ZNF525: variants seen among roughly 807,000 people sequenced by gnomAD.
The protein encoded by ZNF525 is zinc finger protein 525.
Under a neutral mutation model 37.6 loss-of-function variants are expected in ZNF525, and 33 were observed. The ratio of observed to expected loss-of-function variants is 0.88; its 90% CI spans 0.67 to 1.17. The LOEUF (loss-of-function observed/expected upper bound fraction) is 1.17, where lower values mean the gene tolerates loss of function less well. Ranked by LOEUF, ZNF525 falls within the 50% of genes most tolerant of loss-of-function variation. The probability of loss-of-function intolerance (pLI) is 0.00; values close to 1 mark genes in which losing one functional copy is unlikely to be tolerated. For missense variants in ZNF525, 449 were observed against 543.1 expected (o/e 0.83, Z 1.72); for synonymous variants, 170 against 182.3 (o/e 0.93, Z 0.54).
chr19:53,366,938 G>A (rs552343828), intron 1 of ZNF525, among the ~76,000 whole-genome samples: 2 of 143,610 alleles, frequency 1.4e-5, no homozygotes, highest in Admixed American at 1.4e-4. Context: ...CGGCTCAGCA[G>A]ATTTACATCT....
intron 3 of ZNF525, among the ~76,000 whole-genome samples, chr19:53,377,581 G>C (rs148561988): frequency 0.011 from 1,527 of 143,034 alleles, 35 homozygotes; most frequent in African/African-American, 0.037. Context: ...TTGAGATGGA[G>C]TCTCGGTCTG....
chr19:53,379,149 C>T lies in ZNF525; in HGVS notation c.143-1573C>T, dbSNP rs888202466. ...TTTTTTCTTAGAGACGAAGTCTCAC[C>T]CTGTCACTCAAGCTGGAGTGCAGTG... On this transcript the variant is annotated intron_variant, in intron 3 of 3. Transcript: ENST00000474037. 3.9e-5 allele frequency among the ~76,000 whole-genome samples: 6 copies of T among 152,036 alleles called. No homozygotes were observed. In the South Asian group the frequency reaches 6.2e-4, roughly 16 times the overall value.
intron 1 of ZNF525, among the ~76,000 whole-genome samples, chr19:53,369,417 G>A (rs12976660): frequency 0.13 from 18,987 of 148,262 alleles, 1,783 homozygotes; most frequent in Non-Finnish European, 0.18. Flanking sequence ...TAGTAGAGAC[G>A]GGTTTCACCA....
chr19:53,376,661 G>A (rs550964508), intron 3 of ZNF525, among the ~76,000 whole-genome samples: 2 of 152,098 alleles, frequency 1.3e-5, no homozygotes, highest in African/African-American at 2.4e-5. Flanking sequence ...CACCGCAGCC[G>A]GCTCCACATC....
chr19:53,382,568 T>C lies in ZNF525; in HGVS notation c.*549T>C, dbSNP rs142235276. The C allele has an allele frequency of 2.1e-4, 143 of 666,382 alleles. No homozygotes were observed. In the East Asian group the frequency reaches 4.4e-3, roughly 21 times the overall value. The allele number at this position is 666,382 out of a possible 1,614,324, so 41.3% of individuals were successfully genotyped here. On this transcript the variant is annotated 3_prime_UTR_variant, in exon 4 of 4. Coordinates refer to ENST00000474037, the MANE Select transcript of ZNF525 (RefSeq NM_001348156.2). Reference sequence around the variant, plus strand: ...TCATACTGGAGAGAAACCTTAGAAGTGCAATGAGTGTGGCAAAACCTTTCA... The same window carrying C: ...TCATACTGGAGAGAAACCTTAGAAGCGCAATGAGTGTGGCAAAACCTTTCA...
At position 53,370,428 on chromosome 19, in the gene ZNF525, A is replaced by G. The variant is rs1203241901; in HGVS notation, c.-67-1787A>G. ...GACTCCATGTCAAAAAAAAAAAAAA[A>G]AAAGAACAGGCACACCTTCTCACTC... On this transcript the variant is annotated intron_variant, in intron 1 of 3. Coordinates refer to ENST00000474037, the MANE Select transcript of ZNF525 (RefSeq NM_001348156.2). Among the ~76,000 whole-genome samples, 3 of 151,152 alleles carry G rather than the reference A, an allele frequency of 2.0e-5. No homozygotes were observed. The East Asian group carries it at 5.9e-4, about 30-fold the overall frequency.
intron 3 of ZNF525, among the ~76,000 whole-genome samples, chr19:53,378,371 C>G (rs1028371509): frequency 6.6e-6 from 1 of 152,064 alleles, no homozygotes; most frequent in African/African-American, 2.4e-5. Flanking sequence ...GAAGGAGAAT[C>G]TTGAACCCGG....
rs375617606 is a variant in ZNF525, at chr19:53,379,100, C to T, written c.143-1622C>T. Among the ~76,000 whole-genome samples the T allele has an allele frequency of 1.2e-3, 184 of 151,474 alleles. 1 individual carries two copies. The highest frequency in any genetic ancestry group is 0.01 in the Middle Eastern group (3 of 294). On this transcript the variant is annotated intron_variant, in intron 3 of 3. Transcript: ENST00000474037. The stretch of plus-strand genomic sequence containing the variant: ...GTTGTGACATCATAATTGCACCCTC[C>T]GGCACTATTAGTCAATTCTTTTTTT...
Position 53,386,359 on chromosome 19 carries a change from C to G in ZNF525, c.*4340C>G. 2.4e-6 allele frequency: 2 copies of G among 849,698 alleles called. No individual in the cohort carries two copies. Among genetic ancestry groups the G allele is most frequent in the South Asian group, 1.3e-5 (1 of 76,492 alleles). 52.6% of individuals were successfully genotyped at this position (849,698 alleles called of 1,614,324 possible). On this transcript the variant is annotated 3_prime_UTR_variant, in exon 4 of 4. Transcript: ENST00000474037. ...AATCAGGTACGACTCCAAAAGGAGACATTGGAGAAGAACCAAGCTGGGTCT... is the reference window on the plus strand; with the variant it reads ...AATCAGGTACGACTCCAAAAGGAGAGATTGGAGAAGAACCAAGCTGGGTCT...
At chr19:53,372,496 T>C in intron 2 of ZNF525, 200 bp downstream of exon 2, 1 of 784,290 alleles carries the variant, frequency 1.3e-6, no homozygotes, top group Non-Finnish European at 2.2e-6. Flanking sequence ...GAGGCTGCAC[T>C]GGGCATGGTC....
chr19:53,381,793 A>G lies in ZNF525; in HGVS notation c.1214A>G (p.His405Arg), dbSNP rs747610447. The G allele has an allele frequency of 9.4e-7, 1 of 1,066,672 alleles. No homozygotes were observed. Among genetic ancestry groups the G allele is most frequent in the African/African-American group, 1.5e-5 (1 of 64,948 alleles). 66.1% of individuals were successfully genotyped at this position (1,066,672 alleles called of 1,614,324 possible). A position where few individuals can be genotyped will look rare whatever the true frequency, so the allele number is the denominator to read the frequency against. Residue 405 changes from histidine to arginine, a missense_variant, in exon 4 of 4, where the codon CAT becomes CGT. By Grantham distance (29) the His-to-Arg change is conservative. Around this residue, in one of 2 missense-constraint regions of ZNF525, gnomAD observed 178 missense variants for 161.5 expected, o/e 1.10. Transcript: ENST00000474037. ...ACCCTTACATGCCATCGTAGACTTC[A>G]TACTGGAGAGAAACCTTACAAGTGT... ...MSTLTCHRRL[H>R]TGEKPYKCEE...
At chr19:53,372,866 A>G (rs1471985472) in intron 2 of ZNF525, among the ~76,000 whole-genome samples, 2 of 152,214 alleles carry the variant, frequency 1.3e-5, no homozygotes, top group African/African-American at 4.8e-5. Context: ...TTTTAAGAAT[A>G]TGAAATCAAC....
chr19:53,374,353 G>A (rs2085507467), intron 2 of ZNF525, among the ~76,000 whole-genome samples: 1 of 152,212 alleles, frequency 6.6e-6, no homozygotes, highest in South Asian at 2.1e-4. Flanking sequence ...TGGCTAGCTT[G>A]CTCTTTGACA....
At chr19:53,369,975 C>T (rs1342127347) in intron 1 of ZNF525, among the ~76,000 whole-genome samples, 73 of 149,584 alleles carry the variant, frequency 4.9e-4, no homozygotes, top group South Asian at 1.1e-3. Context: ...CCGCCCGCCT[C>T]GGCCTCCCAA....
At position 53,381,115 on chromosome 19, in the gene ZNF525, G is replaced by T. The variant is rs758915553; in HGVS notation, c.536G>T (p.Arg179Ile). The T allele has an allele frequency of 4.9e-5, 70 of 1,437,030 alleles. No individual in the cohort carries two copies. The highest frequency in any genetic ancestry group is 6.5e-5 in the Non-Finnish European group (66 of 1,019,104). 89.0% of individuals were successfully genotyped at this position (1,437,030 alleles called of 1,614,324 possible). The change falls in exon 4 of 4, where the codon AGA becomes ATA. Residue 179 changes from arginine (R) to isoleucine (I), a missense_variant. By Grantham distance (97) the Arg-to-Ile change is moderately conservative. Coordinates refer to ENST00000474037, the MANE Select transcript of ZNF525 (RefSeq NM_001348156.2). ...NDASSVSTAQ[R>I]ISCRPKTHIS... ...GCTTCCTCGGTTTCAACAGCCCAAA[G>T]AATTTCTTGTAGGCCCAAAACCCAT...
rs1349676034 is a variant in ZNF525 at position 53,383,985 on chromosome 19, A to C, written c.*1966A>C. On this transcript the variant is annotated 3_prime_UTR_variant, in exon 4 of 4. Transcript: ENST00000474037. ...ATCCATACTGGACAGAAATCTTACA[A>C]ATGTCATCAGTGTGGCAAGGTCTTC... 5 of 792,148 alleles carry C rather than the reference A, an allele frequency of 6.3e-6. No homozygotes were observed. In the African/African-American group the frequency reaches 8.6e-5, roughly 14 times the overall value. 49.1% of individuals were successfully genotyped at this position (792,148 alleles called of 1,614,324 possible).
At chr19:53,372,446 A>G (rs1218982562) in intron 2 of ZNF525, 150 bp downstream of exon 2, 2 of 755,170 alleles carry the variant, frequency 2.6e-6, no homozygotes, top group East Asian at 2.5e-5. Context: ...CATCTCACTT[A>G]GATTTTATCT....
intron 1 of ZNF525, among the ~76,000 whole-genome samples, chr19:53,367,046 G>A (rs2085453209): frequency 1.3e-5 from 2 of 152,130 alleles, no homozygotes; most frequent in South Asian, 4.1e-4. Context: ...GTAATCTATA[G>A]CATAGCATAA....
At chr19:53,371,198 C>CTTTT (rs1243106422) in intron 1 of ZNF525, among the ~76,000 whole-genome samples, 2 of 123,594 alleles carry the variant, frequency 1.6e-5, no homozygotes, top group Non-Finnish European at 3.3e-5. Flanking sequence ...ATCAGAAACG[C>CTTTT]TTTTTTTTTT....
Sources: gnomAD v4.1 joint callset for allele counts (sites outside exome capture counted in the v4.1 genomes callset) on GRCh38, gnomAD v4.1.1 for gene constraint, gnomAD v4.1.1 regional missense constraint, MANE v1.5 for transcripts, NCBI Gene and HGNC (gene_info 2026-07-23, HGNC 2026-07-21) for gene names.